GOLGA3: variants seen among roughly 807,000 people sequenced by gnomAD.
GOLGA3 encodes the protein golgin subfamily A member 3.
Under a neutral mutation model 169.4 loss-of-function variants are expected in GOLGA3, and 75 were observed. The ratio of observed to expected loss-of-function variants is 0.44; its 90% CI spans 0.37 to 0.54. The LOEUF (loss-of-function observed/expected upper bound fraction) is 0.54. Ranked by LOEUF, GOLGA3 falls within the 20% of genes least tolerant of loss-of-function variation. GOLGA3 has a pLI of 0.00. For synonymous variants in GOLGA3, 824 were observed against 822.4 expected (o/e 1.00, Z -0.03); for missense variants, 1,899 against 1,930.0 (o/e 0.98, Z 0.30).
At chr12:132,802,063 G>T in intron 7 of GOLGA3, 94 bp from the exon 8 acceptor site, 1 of 935,120 alleles carries the variant, frequency 1.1e-6, no homozygotes. Context: ...GGACTCTCAG[G>T]GGAGACCAAG....
At chr12:132,819,661 C>T (rs1453904591) in intron 2 of GOLGA3, among the ~76,000 whole-genome samples, 2 of 152,228 alleles carry the variant, frequency 1.3e-5, no homozygotes, top group Non-Finnish European at 2.9e-5. Context: ...CACGGGCACC[C>T]GACCAACGCA....
Position 132,813,371 on chromosome 12 carries a change from A to C in GOLGA3, c.455T>G (p.Leu152Arg). The change falls in exon 4 of 24, where the codon CTT (leucine) becomes CGT (arginine). Residue 152 changes from leucine to arginine, a missense_variant. Leu to Arg is a moderately radical substitution (Grantham distance 102). Coordinates refer to ENST00000450791, the MANE Select transcript of GOLGA3 (RefSeq NM_001389683.1). ...CTCTTCCAGCCACTTCCGAGCCTGA[A>C]GTCGGACCTGCTCCTCCTTCTCCAG... ...LPLEKEEQVRLQARKWLEEQL... is the reference protein window; with the variant it reads ...LPLEKEEQVRRQARKWLEEQL... 1 of 1,613,612 alleles carries C rather than the reference A, an allele frequency of 6.2e-7. No homozygotes were observed. Among genetic ancestry groups the C allele is most frequent in the Non-Finnish European group, 8.5e-7 (1 of 1,179,742 alleles).
At position 132,780,815 on chromosome 12, in the gene GOLGA3, T is replaced by TCTCCTCAAGG; in HGVS notation, c.3564_3565insCCTTGAGGAG (p.Asn1189ProfsTer2). The TCTCCTCAAGG allele has an allele frequency of 6.2e-7, 1 of 1,609,296 alleles. No individual in the cohort carries two copies. Among genetic ancestry groups the TCTCCTCAAGG allele is most frequent in the Non-Finnish European group, 8.5e-7 (1 of 1,177,796 alleles). ...GCACGCACCTGCTCCTTGAGGCTGT[T>TCTCCTCAAGG]CACCTTCTCCTTCTCCTTCTCTAGT... On this transcript the variant is annotated stop_gained and frameshift_variant, in exon 18 of 24. Transcript: ENST00000450791. LOFTEE classifies it high-confidence loss of function.
intron 22 of GOLGA3, 150 bp downstream of exon 22, chr12:132,774,991 C>T (rs2045140899): frequency 1.6e-6 from 1 of 608,512 alleles, no homozygotes; most frequent in Non-Finnish European, 2.9e-6. Flanking sequence ...TTTCATCTGT[C>T]ACCCCATTAC....
chr12:132,808,748 A>C (rs1188927561), intron 4 of GOLGA3, among the ~76,000 whole-genome samples, 199 bp from the exon 5 acceptor site: 1 of 152,064 alleles, frequency 6.6e-6, no homozygotes, highest in East Asian at 1.9e-4. Flanking sequence ...GCCCCACTCT[A>C]GTGACCAGCA....
At chr12:132,818,264 C>G (rs1281718867) in intron 2 of GOLGA3, among the ~76,000 whole-genome samples, 1 of 152,144 alleles carries the variant, frequency 6.6e-6, no homozygotes, top group Non-Finnish European at 1.5e-5. Flanking sequence ...GTAACATTTC[C>G]TCTTCTCTTT....
At chr12:132,818,912 A>G (rs953181890) in intron 2 of GOLGA3, among the ~76,000 whole-genome samples, 1 of 152,070 alleles carries the variant, frequency 6.6e-6, no homozygotes, top group African/African-American at 2.4e-5. Flanking sequence ...ACCTCAGTTC[A>G]CCCACTAAAA....
intron 18 of GOLGA3, among the ~76,000 whole-genome samples, chr12:132,779,730 G>A (rs376985377): frequency 2.0e-5 from 3 of 149,178 alleles, no homozygotes; most frequent in African/African-American, 7.4e-5. Context: ...CCACAGCCCA[G>A]GCACACACGT....
At chr12:132,774,574 A>C (rs1330136869) in intron 22 of GOLGA3, 7 of 555,708 alleles carry the variant, frequency 1.3e-5, no homozygotes, top group Non-Finnish European at 2.2e-5. Context: ...GGTCTGCGGC[A>C]GGACGGGGCC....
intron 18 of GOLGA3, among the ~76,000 whole-genome samples, chr12:132,779,864 C>T (rs1355904137): frequency 8.5e-6 from 1 of 117,426 alleles, no homozygotes; most frequent in African/African-American, 3.1e-5. Context: ...CACATACACA[C>T]ACCTCAGGCA....
intron 11 of GOLGA3, 137 bp from the exon 12 acceptor site, chr12:132,791,430 C>T: frequency 1.7e-6 from 1 of 584,824 alleles, no homozygotes; most frequent in Non-Finnish European, 3.0e-6. Context: ...GGGGACACAT[C>T]CTCACAGATG....
chr12:132,789,328 CGGGGCGTGG>C (rs2046100235), intron 12 of GOLGA3, 38 bp from the exon 13 acceptor site: 8 of 1,521,858 alleles, frequency 5.3e-6, no homozygotes, highest in Non-Finnish European at 5.3e-6. Flanking sequence ...CGCTGGGCGG[CGGGGCGTGG>C]GGGGCGTACC....
intron 4 of GOLGA3, among the ~76,000 whole-genome samples, chr12:132,809,102 G>T (rs1482896662): frequency 6.6e-6 from 1 of 152,242 alleles, no homozygotes; most frequent in Non-Finnish European, 1.5e-5. Flanking sequence ...TGGGTCACGT[G>T]TCCACTGGAC....
Position 132,801,924 on chromosome 12 carries a change from T to C in GOLGA3, c.1643A>G (p.Gln548Arg). ...CGTCGTCCGCTCCAGCTGCACCTGC[T>C]GAAGCTGGCTCTGCAAGGCTGTCAT... ...QQMTALQSQL[Q>R]QVQLERTTLT... The change falls in exon 8 of 24, where the codon CAG becomes CGG. Residue 548 changes from glutamine to arginine, a missense_variant. Transcript: ENST00000450791. 2 of 1,601,536 alleles carry C rather than the reference T, an allele frequency of 1.2e-6. No homozygotes were observed. Among genetic ancestry groups the C allele is most frequent in the Non-Finnish European group, 8.5e-7 (1 of 1,179,820 alleles).
At chr12:132,780,531 T>C (rs2045541398) in intron 18 of GOLGA3, among the ~76,000 whole-genome samples, 1 of 152,188 alleles carries the variant, frequency 6.6e-6, no homozygotes, top group African/African-American at 2.4e-5. Context: ...CAACACGACA[T>C]ACAGGACACC....
intron 1 of GOLGA3, among the ~76,000 whole-genome samples, chr12:132,822,643 A>G (rs1035203265): frequency 3.3e-5 from 5 of 152,204 alleles, no homozygotes; most frequent in African/African-American, 1.2e-4. Flanking sequence ...AATTTGGGCC[A>G]GGCGCGGTGG....
intron 15 of GOLGA3, among the ~76,000 whole-genome samples, chr12:132,784,712 C>T (rs930446139): frequency 1.3e-5 from 2 of 151,666 alleles, no homozygotes; most frequent in African/African-American, 4.8e-5. Flanking sequence ...ATCCCACACA[C>T]CACACACACA....
chr12:132,779,351 T>A (rs1221207609), intron 18 of GOLGA3, among the ~76,000 whole-genome samples: 1 of 152,196 alleles, frequency 6.6e-6, no homozygotes, highest in Non-Finnish European at 1.5e-5. Context: ...AGTGCTGGGA[T>A]TACAGGCATG....
chr12:132,826,647 A>G (rs1433538783), intron 1 of GOLGA3, among the ~76,000 whole-genome samples: 1 of 152,170 alleles, frequency 6.6e-6, no homozygotes, highest in Non-Finnish European at 1.5e-5. Flanking sequence ...CTTTACAGGC[A>G]GCTCCTCCTG....
Sources: allele counts gnomAD v4.1 joint callset (sites outside exome capture counted in the v4.1 genomes callset), GRCh38; gene constraint gnomAD v4.1.1; transcripts MANE v1.5; gene names NCBI Gene and HGNC (gene_info 2026-07-23, HGNC 2026-07-21).